DAB1: variants seen among roughly 807,000 people sequenced by gnomAD.
DAB1 encodes disabled homolog 1.
DAB1 carries 15 observed loss-of-function variants against 64.6 expected under a neutral mutation model. The observed-to-expected ratio is 0.23, with a 90% CI of 0.16 to 0.36. The LOEUF (loss-of-function observed/expected upper bound fraction) is 0.36. DAB1 is among the 10% of genes least tolerant of loss of function. The pLI, the probability that DAB1 is intolerant of heterozygous loss-of-function variation, is 1.00. For synonymous variants in DAB1, 235 were observed against 251.9 expected (o/e 0.93, Z 0.64); for missense variants, 596 against 706.7 (o/e 0.84, Z 1.78).
At chr1:57,253,196 T>A (rs953211657) in intron 2 of DAB1, among the ~76,000 whole-genome samples, 1 of 152,072 alleles carries the variant, frequency 6.6e-6, no homozygotes, top group East Asian at 1.9e-4. Context: ...TGCCTATGGA[T>A]GTGCATTAAC....
chr1:57,498,319 G>T (rs933509344), intron 7 of DAB1, among the ~76,000 whole-genome samples: 7 of 152,184 alleles, frequency 4.6e-5, no homozygotes, highest in African/African-American at 1.7e-4. Context: ...TGTAGATGTG[G>T]AAAGTCTGAG....
chr1:57,349,848 C>G (rs943437268), intron 1 of DAB1, among the ~76,000 whole-genome samples: 2 of 152,164 alleles, frequency 1.3e-5, no homozygotes, highest in Non-Finnish European at 2.9e-5. Context: ...TTTTATGTGA[C>G]TAAAATACTG....
chr1:57,376,069 C>T (rs1680874596), intron 1 of DAB1, among the ~76,000 whole-genome samples: 2 of 152,196 alleles, frequency 1.3e-5, no homozygotes, highest in African/African-American at 4.8e-5. Flanking sequence ...CATGGTAACA[C>T]AAAATGCCTA....
intron 4 of DAB1, among the ~76,000 whole-genome samples, chr1:58,162,836 A>T (rs1655614430): frequency 6.6e-6 from 1 of 152,202 alleles, no homozygotes; most frequent in South Asian, 2.1e-4. Flanking sequence ...CAGCTGCCAA[A>T]GTGAAGAAGT....
At chr1:57,002,917 T>C (rs898600608) in intron 14 of DAB1, among the ~76,000 whole-genome samples, 2 of 152,236 alleles carry the variant, frequency 1.3e-5, no homozygotes, top group Non-Finnish European at 2.9e-5. Context: ...GTTGATTGTC[T>C]AGCACAGAGT....
chr1:57,259,740 C>T (rs1670039464), intron 2 of DAB1, among the ~76,000 whole-genome samples: 1 of 152,194 alleles, frequency 6.6e-6, no homozygotes, highest in South Asian at 2.1e-4. Context: ...TTAAGAGGAA[C>T]TCTTCCCTCT....
At chr1:57,430,436 C>T (rs191061202) in intron 7 of DAB1, among the ~76,000 whole-genome samples, 2 of 148,592 alleles carry the variant, frequency 1.3e-5, no homozygotes, top group Admixed American at 6.8e-5. Flanking sequence ...AGTGCAGTGG[C>T]GCCATCTCGG....
At chr1:58,451,727 A>G (rs1398870285) in intron 3 of DAB1, among the ~76,000 whole-genome samples, 1 of 152,222 alleles carries the variant, frequency 6.6e-6, no homozygotes, top group East Asian at 1.9e-4. Context: ...ACATCAGGAT[A>G]GAAAAAAATA....
chr1:57,730,167 T>C (rs1043152811), intron 6 of DAB1, among the ~76,000 whole-genome samples: 16 of 152,252 alleles, frequency 1.1e-4, no homozygotes, highest in Admixed American at 5.2e-4. Context: ...ATGCTTGTCA[T>C]TGGGCAAAAG....
intron 1 of DAB1, among the ~76,000 whole-genome samples, chr1:57,829,808 T>C (rs993019329): frequency 1.3e-5 from 2 of 152,346 alleles, no homozygotes; most frequent in East Asian, 3.9e-4. Context: ...AATTGCTTTT[T>C]CTGATAATAA....
intron 5 of DAB1, among the ~76,000 whole-genome samples, chr1:58,086,942 A>G (rs937390868): frequency 1.3e-5 from 2 of 152,054 alleles, no homozygotes; most frequent in African/African-American, 4.8e-5. Flanking sequence ...TACTTCCATA[A>G]TATGCTGTGA....
At chr1:57,068,020 G>C (rs936130966) in intron 8 of DAB1, among the ~76,000 whole-genome samples, 3 of 152,126 alleles carry the variant, frequency 2.0e-5, no homozygotes, top group Non-Finnish European at 4.4e-5. Context: ...GCTAAAGCAG[G>C]TCTTTCCAGT....
chr1:57,305,635 C>T (rs1209927253), intron 1 of DAB1, among the ~76,000 whole-genome samples: 1 of 152,136 alleles, frequency 6.6e-6, no homozygotes, highest in African/African-American at 2.4e-5. Context: ...GCTTCTATGT[C>T]TCCTGTAACA....
intron 5 of DAB1, among the ~76,000 whole-genome samples, chr1:57,994,226 G>A (rs1018008220): frequency 1.3e-5 from 2 of 152,218 alleles, no homozygotes; most frequent in Non-Finnish European, 1.5e-5. Flanking sequence ...ATGAGGAACT[G>A]AAGCCTGCAG....
chr1:58,523,156 T>C (rs1646293768), intron 2 of DAB1, among the ~76,000 whole-genome samples: 1 of 152,228 alleles, frequency 6.6e-6, no homozygotes, highest in African/African-American at 2.4e-5. Flanking sequence ...TTAATTCCCC[T>C]GATAAGGTGT....
intron 5 of DAB1, among the ~76,000 whole-genome samples, chr1:58,059,984 A>G (rs1347834302): frequency 6.6e-6 from 1 of 152,070 alleles, no homozygotes; most frequent in Non-Finnish European, 1.5e-5. Context: ...CACAAAAGGG[A>G]CTGATTTCTG....
chr1:58,410,386 T>C (rs1171080346), intron 3 of DAB1, among the ~76,000 whole-genome samples: 1 of 152,206 alleles, frequency 6.6e-6, no homozygotes, highest in Non-Finnish European at 1.5e-5. Context: ...TGTGGCCCTT[T>C]CTTCTGCCTT....
chr1:58,114,023 G>C (rs565337460), intron 5 of DAB1, among the ~76,000 whole-genome samples: 13 of 150,982 alleles, frequency 8.6e-5, no homozygotes, highest in African/African-American at 3.2e-4. Context: ...CAGGTGGGCG[G>C]ATTACTTGAG....
intron 5 of DAB1, among the ~76,000 whole-genome samples, chr1:58,133,446 C>T (rs1653761069): frequency 6.6e-6 from 1 of 152,154 alleles, no homozygotes; most frequent in African/African-American, 2.4e-5. Flanking sequence ...CTTTCATAAT[C>T]TCTGTCATAG....
Sources: gnomAD v4.1 joint callset for allele counts (sites outside exome capture counted in the v4.1 genomes callset) on GRCh38, gnomAD v4.1.1 for gene constraint, MANE v1.5 for transcripts, NCBI Gene and HGNC (gene_info 2026-07-23, HGNC 2026-07-21) for gene names.